THOC6: variants seen among roughly 807,000 people sequenced by gnomAD.
THOC6 encodes THO complex 6.
A neutral mutation model predicts 55.8 loss-of-function variants in THOC6; 39 were observed. The ratio of observed to expected loss-of-function variants is 0.70; its 90% CI spans 0.54 to 0.91. The LOEUF (loss-of-function observed/expected upper bound fraction) is 0.91, where lower values mean the gene tolerates loss of function less well. Among genes scored for constraint, THOC6 ranks in the 40% least tolerant of loss-of-function variants. THOC6 has a pLI of 0.00. For missense variants in THOC6, 482 were observed against 442.0 expected (o/e 1.09, Z -0.81); for synonymous variants, 192 against 175.6 (o/e 1.09, Z -0.74).
At chr16:3,025,208 C>T (rs2072755018) in intron 1 of THOC6, among the ~76,000 whole-genome samples, 2 of 152,130 alleles carry the variant, frequency 1.3e-5, no homozygotes, top group African/African-American at 2.4e-5. Context: ...TGCCAAAGTG[C>T]TGGGATTACA....
At position 3,027,029 on chromosome 16, in the gene THOC6, A is replaced by G. The variant is rs116675970; in HGVS notation, c.655A>G (p.Asn219Asp). ...ATCCCAGGAGTGCTCGAGGCCCCACAATGGGCGCTGGATTGGATGTTTGGC... is the reference window on the plus strand; with the variant it reads ...ATCCCAGGAGTGCTCGAGGCCCCACGATGGGCGCTGGATTGGATGTTTGGC... Reference protein sequence around the residue: ...YKHEECSRPHNGRWIGCLATD... With the variant: ...YKHEECSRPHDGRWIGCLATD... The change falls in exon 10 of 13, where the codon AAT becomes GAT. Residue 219 changes from asparagine to aspartate, a missense_variant. Physicochemically the swap from Asn to Asp is conservative, Grantham distance 23 (BLOSUM62 1). Coordinates refer to ENST00000326266, the MANE Select transcript of THOC6 (RefSeq NM_024339.5). The G allele has an allele frequency of 6.2e-7, 1 of 1,614,048 alleles. No homozygotes were observed. The highest frequency in any genetic ancestry group is 1.3e-5 in the African/African-American group (1 of 74,982).
At position 3,026,887 on chromosome 16, in the gene THOC6, G is replaced by A; in HGVS notation, c.607G>A (p.Val203Ile). The A allele has an allele frequency of 6.2e-7, 1 of 1,614,220 alleles. No individual in the cohort carries two copies. Among genetic ancestry groups the A allele is most frequent in the African/African-American group, 1.3e-5 (1 of 75,040 alleles). The change falls in exon 9 of 13, where the codon GTC becomes ATC. Residue 203 changes from valine (V) to isoleucine (I), a missense_variant. Physicochemically the swap from Val to Ile is conservative, Grantham distance 29. Coordinates refer to ENST00000326266, the MANE Select transcript of THOC6 (RefSeq NM_024339.5). ...CGCAGACCTGCGCACAGCCAAGGAG[G>A]TCCAGACGATCGAGGTCTATAAGCA... ...RLWDLRTAKE[V>I]QTIEVYKHEE...
intron 1 of THOC6, 108 bp downstream of exon 1, chr16:3,024,473 T>C: frequency 7.1e-7 from 1 of 1,410,086 alleles, no homozygotes; most frequent in South Asian, 1.2e-5. Flanking sequence ...CTGGGCTATT[T>C]GTGGGACTCA....
At chr16:3,025,674 T>C (rs1344703337) in intron 1 of THOC6, 34 bp from the exon 2 acceptor site, 25 of 1,596,144 alleles carry the variant, frequency 1.6e-5, no homozygotes, top group Non-Finnish European at 2.1e-5. Flanking sequence ...GTTTCATACG[T>C]CCCAGGCAGG....
chr16:3,027,455 G>A lies in THOC6; in HGVS notation c.900G>A (p.Leu300=). ...AGGTGCCTGGCTCCTCCCCAGGGCTGCTCAGCCTCAGCCTCAACCAGCAGC... is the reference window on the plus strand; with the variant it reads ...AGGTGCCTGGCTCCTCCCCAGGGCTACTCAGCCTCAGCCTCAACCAGCAGC... ...KAQVPGSSPG[L]LSLSLNQQPA... is the part of the protein sequence containing the mutation. Residue 300 remains leucine, a synonymous_variant, in exon 12 of 13, where the codon CTG becomes CTA. Transcript: ENST00000326266. 6.2e-7 allele frequency: 1 copy of A among 1,610,916 alleles called. No individual in the cohort carries two copies.
chr16:3,027,424 A>T lies in THOC6; in HGVS notation c.869A>T (p.Lys290Met), dbSNP rs534564847. 9 of 1,612,262 alleles carry T rather than the reference A, an allele frequency of 5.6e-6. No homozygotes were observed. The South Asian group carries it at 9.9e-5, about 18-fold the overall frequency. Residue 290 changes from lysine to methionine, a missense_variant, in exon 12 of 13, where the codon AAG becomes ATG. By Grantham distance (95) the Lys-to-Met change is moderately conservative. Coordinates refer to ENST00000326266, the MANE Select transcript of THOC6 (RefSeq NM_024339.5). Reference sequence around the variant, plus strand: ...CAGTGGCAGCTGAGCGGGGAGCTGAAGGCCCAGGTGCCTGGCTCCTCCCCA... The same window carrying T: ...CAGTGGCAGCTGAGCGGGGAGCTGATGGCCCAGGTGCCTGGCTCCTCCCCA... ...VNQWQLSGELKAQVPGSSPGL... is the reference protein window; with the variant it reads ...VNQWQLSGELMAQVPGSSPGL...
rs34833478 is a variant in THOC6 at position 3,024,637 on chromosome 16, CT to C, written c.39+287del. ...TTAATTTTCTAGTTCTTGCAAAGCA[CT>C]TTTTTTTTTTTTTTGAGACAGAGTC... On this transcript the variant is annotated intron_variant, in intron 1 of 12. Transcript: ENST00000326266. 1.2e-3 allele frequency among the ~76,000 whole-genome samples: 153 copies of C among 126,058 alleles called. 1 individual carries two copies. Among genetic ancestry groups the C allele is most frequent in the Non-Finnish European group, 1.7e-3 (107 of 62,126 alleles). The allele number at this position is 126,058 out of a possible 152,430, so 82.7% of individuals were successfully genotyped here.
At chr16:3,026,462 C>T in intron 6 of THOC6, 49 bp downstream of exon 6, 2 of 1,614,130 alleles carry the variant, frequency 1.2e-6, no homozygotes, top group Non-Finnish European at 1.7e-6. Flanking sequence ...ATCCTTCACC[C>T]TCTGCCTATC....
chr16:3,026,905 T>G lies in THOC6; in HGVS notation c.625T>G (p.Tyr209Asp). 6.2e-7 allele frequency: 1 copy of G among 1,614,222 alleles called. No homozygotes were observed. The highest frequency in any genetic ancestry group is 1.3e-5 in the African/African-American group (1 of 75,050). ...CAAGGAGGTCCAGACGATCGAGGTC[T>G]ATAAGCACGAGGTGAGGGTGTGACC... Reference protein sequence around the residue: ...TAKEVQTIEVYKHEECSRPHN... With the variant: ...TAKEVQTIEVDKHEECSRPHN... Residue 209 changes from tyrosine to aspartate, a missense_variant, in exon 9 of 13, where the codon TAT becomes GAT. Transcript: ENST00000326266.
In THOC6 at chr16:3,026,595, G is replaced by C. The variant is rs1187340309; in HGVS notation, c.483+8G>C. 5 of 1,613,936 alleles carry C rather than the reference G, an allele frequency of 3.1e-6. No individual in the cohort carries two copies. The South Asian group carries it at 4.4e-5, about 14-fold the overall frequency. On this transcript the variant is annotated splice_region_variant and intron_variant, in intron 7 of 12. Transcript: ENST00000326266. ...GAAACTGGGACTTTCACGGTGAGCA[G>C]GGTCCTGGAGCCCTAGAGCAGGTCT...
At chr16:3,026,814 C>A in intron 8 of THOC6, 33 bp downstream of exon 8, 2 of 1,613,934 alleles carry the variant, frequency 1.2e-6, no homozygotes, top group Non-Finnish European at 1.7e-6. Context: ...GGCAAGATGG[C>A]AGTGAAGGAG....
rs571395831 is a variant in THOC6 at position 3,024,414 on chromosome 16, A to G, written c.39+49A>G. 9 of 1,611,344 alleles carry G rather than the reference A, an allele frequency of 5.6e-6. No homozygotes were observed. The Admixed American group carries it at 1.5e-4, about 27-fold the overall frequency. ...GCCTTCTGGGGTTTGTAGTTCACGC[A>G]TGGCTGGGACGGGGCGGGCAGGGAA... On this transcript the variant is annotated intron_variant, in intron 1 of 12. Coordinates refer to ENST00000326266, the MANE Select transcript of THOC6 (RefSeq NM_024339.5).
chr16:3,027,187 A>T lies in THOC6; in HGVS notation c.717A>T (p.Pro239=). Residue 239 remains proline (P), a synonymous_variant, in exon 11 of 13, where the codon CCA becomes CCT. Transcript: ENST00000326266. The part of the protein sequence containing the change: ...DSDWMVCGGG[P]ALTLWHLRSS... ...CTGTCCAGGTCTGTGGAGGGGGCCC[A>T]GCCCTCACCCTCTGGCACCTCCGAT... 1 of 1,613,966 alleles carries T rather than the reference A, an allele frequency of 6.2e-7. No homozygotes were observed. Among genetic ancestry groups the T allele is most frequent in the East Asian group, 2.2e-5 (1 of 44,868 alleles).
rs373259488 is a variant in THOC6, at chr16:3,026,971, C to T, written c.637-40C>T. ...TTCTCCCCCAACTCCTTGAATTCTC[C>T]AGGTCTTCACCTCTTTCCCTCCTCC... is the stretch of plus-strand genomic sequence containing the variant. On this transcript the variant is annotated intron_variant, in intron 9 of 12. Transcript: ENST00000326266. 3.1e-6 allele frequency: 5 copies of T among 1,614,050 alleles called. No homozygotes were observed. The African/African-American group carries it at 4.0e-5, about 13-fold the overall frequency.
chr16:3,024,193 G>A lies in THOC6; in HGVS notation c.-134G>A. On this transcript the variant is annotated 5_prime_UTR_variant, in exon 1 of 13. Coordinates refer to ENST00000326266, the MANE Select transcript of THOC6 (RefSeq NM_024339.5). Reference sequence around the variant, plus strand: ...TCGCGGCGCTCACCTCGGCTCCTAGGGTTCGGGACGGTACGCACCAGCCAC... The same window carrying A: ...TCGCGGCGCTCACCTCGGCTCCTAGAGTTCGGGACGGTACGCACCAGCCAC... 1 of 1,109,206 alleles carries A rather than the reference G, an allele frequency of 9.0e-7. No homozygotes were observed. Among genetic ancestry groups the A allele is most frequent in the Non-Finnish European group, 1.3e-6 (1 of 755,820 alleles). The allele number at this position is 1,109,206 out of a possible 1,614,324, so 68.7% of individuals were successfully genotyped here.
At chr16:3,026,979 C>T in intron 9 of THOC6, 32 bp from the exon 10 acceptor site, 3 of 1,614,138 alleles carry the variant, frequency 1.9e-6, no homozygotes, top group Non-Finnish European at 2.5e-6. Context: ...TCCAGGTCTT[C>T]ACCTCTTTCC....
chr16:3,026,389 C>A lies in THOC6; in HGVS notation c.387C>A (p.Ile129=). Residue 129 remains isoleucine, a synonymous_variant, in exon 6 of 13, where the codon ATC becomes ATA. Transcript: ENST00000326266. Reference sequence around the variant, plus strand: ...GGACCAGCCTGGAAGTGCCTGAGATCAACGCTTTGCTGCTGGTCCCCAAGG... The same window carrying A: ...GGACCAGCCTGGAAGTGCCTGAGATAAACGCTTTGCTGCTGGTCCCCAAGG... The part of the protein sequence containing the change: ...PYRTSLEVPE[I]NALLLVPKEN... The A allele has an allele frequency of 6.2e-7, 1 of 1,614,074 alleles. No homozygotes were observed. The highest frequency in any genetic ancestry group is 8.5e-7 in the Non-Finnish European group (1 of 1,180,034).
At chr16:3,027,144 C>A (rs1468765500) in intron 10 of THOC6, 26 bp from the exon 11 acceptor site, 1 of 1,614,150 alleles carries the variant, frequency 6.2e-7, no homozygotes, top group Non-Finnish European at 8.5e-7. Context: ...TGGTTCACAG[C>A]TGGGGACTCC....
Position 3,024,051 on chromosome 16 carries a change from G to C in THOC6, c.-276G>C, listed in dbSNP as rs952864377. 1.4e-5 allele frequency: 13 copies of C among 923,390 alleles called. No individual in the cohort carries two copies. The highest frequency in any genetic ancestry group is 1.9e-5 in the Non-Finnish European group (12 of 625,992). 57.2% of individuals were successfully genotyped at this position (923,390 alleles called of 1,614,324 possible). A position where few individuals can be genotyped will look rare whatever the true frequency, so the allele number is the denominator to read the frequency against. ...TAGGCGGGCACAGCCGCGAGGTTCTGCGCGGGCGCGGAAGACGGGCGGCGC... is the reference window on the plus strand; with the variant it reads ...TAGGCGGGCACAGCCGCGAGGTTCTCCGCGGGCGCGGAAGACGGGCGGCGC... On this transcript the variant is annotated 5_prime_UTR_variant, in exon 1 of 13. Transcript: ENST00000326266.
Sources: allele counts gnomAD v4.1 joint callset (sites outside exome capture counted in the v4.1 genomes callset), GRCh38; gene constraint gnomAD v4.1.1; transcripts MANE v1.5; gene names NCBI Gene and HGNC (gene_info 2026-07-23, HGNC 2026-07-21).